CCDC40: variants seen among roughly 807,000 people sequenced by gnomAD.
CCDC40 encodes coiled-coil domain-containing protein 40.
In CCDC40, 104 loss-of-function variants were observed where a neutral mutation model predicts 124.5. That is an observed-to-expected ratio of 0.84 (90% CI 0.71 to 0.98). CCDC40 has a LOEUF of 0.98. Ranked by LOEUF, CCDC40 falls within the 50% of genes least tolerant of loss-of-function variation. The pLI is 0.00. For missense variants in CCDC40, 1,463 were observed against 1,503.9 expected (o/e 0.97, Z 0.45); for synonymous variants, 580 against 602.9 (o/e 0.96, Z 0.56).
intron 7 of CCDC40, among the ~76,000 whole-genome samples, chr17:80,054,996 CAAAT>C (rs2037701254): frequency 6.6e-6 from 1 of 151,206 alleles, no homozygotes; most frequent in South Asian, 2.1e-4. Context: ...ATAAATAAAT[CAAAT>C]AAAACAAAAT....
chr17:80,067,764 G>A, intron 10 of CCDC40: 1 of 1,478,440 alleles, frequency 6.8e-7, no homozygotes, highest in Non-Finnish European at 9.0e-7. Context: ...TTGCTAAGTA[G>A]GATTGTGACA....
intron 17 of CCDC40, chr17:80,090,752 A>G: frequency 7.3e-7 from 1 of 1,377,500 alleles, no homozygotes; most frequent in Non-Finnish European, 9.4e-7. Flanking sequence ...CTAAAGGTTC[A>G]GGGCCTTAAG....
chr17:80,058,382 A>G lies in CCDC40; in HGVS notation c.1160-112A>G. ...CCCAGTCTTACCCAAAAATGGCAGG[A>G]AGGGTGCCCAGAACGGCTGTTCCCT... is the stretch of plus-strand genomic sequence containing the variant. On this transcript the variant is annotated intron_variant, in intron 7 of 19. Coordinates refer to ENST00000397545, the MANE Select transcript of CCDC40 (RefSeq NM_017950.4). The surrounding 1 kb of genome is among the most constrained non-coding windows in gnomAD (Gnocchi z 4.2). The G allele has an allele frequency of 1.1e-6, 1 of 914,662 alleles. No homozygotes were observed. 56.7% of individuals were successfully genotyped at this position (914,662 alleles called of 1,614,324 possible).
At chr17:80,075,519 T>C (rs1598524673) in intron 10 of CCDC40, among the ~76,000 whole-genome samples, 1 of 152,186 alleles carries the variant, frequency 6.6e-6, no homozygotes, top group East Asian at 1.9e-4. Context: ...CAGGTTAGTG[T>C]TCTGCCCTTG....
Position 80,097,631 on chromosome 17 carries a change from C to T in CCDC40, c.3180+228C>T, listed in dbSNP as rs75030468. On this transcript the variant is annotated intron_variant, in intron 19 of 19. Transcript: ENST00000397545. Reference sequence around the variant, plus strand: ...ATCTGTTATGGGCTGGGCTCATGTTCAGCGTGCGAGGGTTACAAAATAGAA... The same window carrying T: ...ATCTGTTATGGGCTGGGCTCATGTTTAGCGTGCGAGGGTTACAAAATAGAA... The T allele has an allele frequency of 2.9e-3, 1,657 of 580,958 alleles. 21 individuals carry two copies. The highest frequency in any genetic ancestry group is 0.028 in the African/African-American group (1,483 of 53,620). The allele number at this position is 580,958 out of a possible 1,614,324, so 36.0% of individuals were successfully genotyped here.
At chr17:80,037,492 C>G (rs2037112989) in intron 1 of CCDC40, among the ~76,000 whole-genome samples, 1 of 151,492 alleles carries the variant, frequency 6.6e-6, no homozygotes, top group Non-Finnish European at 1.5e-5. Flanking sequence ...GGTAGGTATA[C>G]TATGATCTCT....
At chr17:80,072,082 G>T (rs1429023482) in intron 10 of CCDC40, among the ~76,000 whole-genome samples, 1 of 151,984 alleles carries the variant, frequency 6.6e-6, no homozygotes, top group Non-Finnish European at 1.5e-5. Flanking sequence ...CAGGTGATCT[G>T]CCCCCACTTG....
chr17:80,067,318 G>T, intron 10 of CCDC40: 1 of 577,962 alleles, frequency 1.7e-6, no homozygotes, highest in Non-Finnish European at 3.1e-6. Context: ...CTCCTCCTCG[G>T]CCCGCAGTCA....
In CCDC40 at chr17:80,067,665, C is replaced by T. The variant is rs751987383; in HGVS notation, c.1562+2059C>T. The stretch of plus-strand genomic sequence containing the variant: ...TTATGGCGGTGCTGCTGTAGATAAC[C>T]GGATCCGCGAATGCTAACGCTCACC... On this transcript the variant is annotated intron_variant, in intron 10 of 19. Transcript: ENST00000397545. 9.8e-5 allele frequency: 150 copies of T among 1,535,886 alleles called. 1 individual carries two copies. The highest frequency in any genetic ancestry group is 3.6e-4 in the South Asian group (30 of 84,060).
At chr17:80,084,658 A>G in intron 12 of CCDC40, 85 bp from the exon 13 acceptor site, 2 of 1,525,296 alleles carry the variant, frequency 1.3e-6, no homozygotes, top group South Asian at 2.3e-5. Flanking sequence ...GAACATCCCG[A>G]CCGTCAGGGA....
chr17:80,062,866 C>T lies in CCDC40; in HGVS notation c.1441-2619C>T, dbSNP rs546458178. 5.3e-5 allele frequency among the ~76,000 whole-genome samples: 8 copies of T among 152,214 alleles called. No individual in the cohort carries two copies. The South Asian group carries it at 1.5e-3, about 28-fold the overall frequency. On this transcript the variant is annotated intron_variant, in intron 9 of 19. Coordinates refer to ENST00000397545, the MANE Select transcript of CCDC40 (RefSeq NM_017950.4). The stretch of plus-strand genomic sequence containing the variant: ...TCAGCCTCCCAAAGTGCTGGGATTA[C>T]GGGCATGAGCCACCGCACCTGGCAC...
At chr17:80,037,732 G>A (rs2037158488) in intron 1 of CCDC40, among the ~76,000 whole-genome samples, 1 of 75,686 alleles carries the variant, frequency 1.3e-5, no homozygotes, top group African/African-American at 4.2e-5. Context: ...CCTGTGCTAC[G>A]TAAATCGTGG....
chr17:80,083,430 G>A (rs1010788169), intron 12 of CCDC40, among the ~76,000 whole-genome samples: 10 of 152,164 alleles, frequency 6.6e-5, no homozygotes, highest in East Asian at 3.9e-4. Context: ...CAGGCGTGGC[G>A]GGAGGAGAAG....
chr17:80,052,054 G>A (rs2037613546), intron 7 of CCDC40, among the ~76,000 whole-genome samples: 1 of 152,256 alleles, frequency 6.6e-6, no homozygotes, highest in African/African-American at 2.4e-5. Flanking sequence ...TGACCGGGGG[G>A]CAGCCACCAC....
chr17:80,090,885 T>TA, intron 17 of CCDC40: 1 of 881,272 alleles, frequency 1.1e-6, no homozygotes, highest in Non-Finnish European at 1.4e-6. Context: ...ATGTTGTGTT[T>TA]AAAAATACCA....
rs918043667 is a variant in CCDC40 at position 80,097,095 on chromosome 17, C to G, written c.3022-150C>G. On this transcript the variant is annotated intron_variant, in intron 18 of 19. Coordinates refer to ENST00000397545, the MANE Select transcript of CCDC40 (RefSeq NM_017950.4). ...CTGGCTGGGCCTGGCATCTCCCAGGCCTCGCCTCTCCAGCCCTCCCATTCC... is the reference window on the plus strand; with the variant it reads ...CTGGCTGGGCCTGGCATCTCCCAGGGCTCGCCTCTCCAGCCCTCCCATTCC... 7.4e-5 allele frequency: 63 copies of G among 849,696 alleles called. No homozygotes were observed. The African/African-American group carries it at 9.8e-4, about 13-fold the overall frequency. 52.6% of individuals were successfully genotyped at this position (849,696 alleles called of 1,614,324 possible). A position where few individuals can be genotyped will look rare whatever the true frequency, so the allele number is the denominator to read the frequency against.
chr17:80,037,637 T>C (rs1348716215), intron 1 of CCDC40, among the ~76,000 whole-genome samples: 2 of 144,522 alleles, frequency 1.4e-5, no homozygotes, highest in South Asian at 2.2e-4. Context: ...TTTGAACATA[T>C]CTATATTCCT....
intron 17 of CCDC40, among the ~76,000 whole-genome samples, chr17:80,094,813 C>T (rs954486682): frequency 6.6e-5 from 10 of 152,188 alleles, no homozygotes; most frequent in African/African-American, 2.2e-4. Flanking sequence ...TGTGCACCCC[C>T]GCAGCCAATC....
intron 10 of CCDC40, among the ~76,000 whole-genome samples, chr17:80,078,194 G>A (rs542294182): frequency 4.8e-4 from 73 of 152,090 alleles, no homozygotes; most frequent in Non-Finnish European, 9.7e-4. Flanking sequence ...AGCCGGGCGT[G>A]GTGGCGGGCG....
Sources: gnomAD v4.1 joint callset for allele counts (sites outside exome capture counted in the v4.1 genomes callset) on GRCh38, gnomAD v4.1.1 for gene constraint, Gnocchi (gnomAD v3.1) non-coding constraint, MANE v1.5 for transcripts, NCBI Gene and HGNC (gene_info 2026-07-23, HGNC 2026-07-21) for gene names.